The following FHIT variants were observed in gnomAD, a reference collection of about 807,000 sequenced individuals.
FHIT encodes bis(5'-adenosyl)-triphosphatase.
A neutral mutation model predicts 17.9 loss-of-function variants in FHIT; 19 were observed. The ratio of observed to expected loss-of-function variants is 1.06; its 90% confidence interval spans 0.74 to 1.56. FHIT has a LOEUF of 1.56. Among genes scored for constraint, FHIT ranks in the 40% most tolerant of loss-of-function variants. The probability of loss-of-function intolerance (pLI) is 0.00; values close to 1 mark genes in which losing one functional copy is unlikely to be tolerated. For missense variants in FHIT, 248 were observed against 189.2 expected (o/e 1.31, Z -1.82); for synonymous variants, 81 against 69.7 (o/e 1.16, Z -0.81).
At chr3:60,123,786 T>C (rs1469238258) in intron 5 of FHIT, among the ~76,000 whole-genome samples, 1 of 151,328 alleles carries the variant, frequency 6.6e-6, no homozygotes, top group Non-Finnish European at 1.5e-5. Flanking sequence ...CAAGTGCTGC[T>C]AAAATAATTT....
chr3:59,831,382 A>G (rs978373881), intron 8 of FHIT, among the ~76,000 whole-genome samples: 5 of 152,142 alleles, frequency 3.3e-5, no homozygotes, highest in African/African-American at 1.2e-4. Context: ...GTGAATCCTC[A>G]GGGCAACTAT....
At chr3:60,917,210 A>C (rs1352800665) in intron 3 of FHIT, among the ~76,000 whole-genome samples, 1 of 152,238 alleles carries the variant, frequency 6.6e-6, no homozygotes, top group African/African-American at 2.4e-5. Flanking sequence ...ATTGGATAGT[A>C]GTAAATAAAT....
intron 5 of FHIT, among the ~76,000 whole-genome samples, chr3:60,178,839 A>G (rs950523461): frequency 2.0e-5 from 3 of 152,184 alleles, no homozygotes; most frequent in Non-Finnish European, 2.9e-5. Context: ...TGAGCATATT[A>G]AAGACCCTGA....
At chr3:60,445,165 G>C (rs2031236843) in intron 5 of FHIT, among the ~76,000 whole-genome samples, 1 of 152,036 alleles carries the variant, frequency 6.6e-6, no homozygotes, top group South Asian at 2.1e-4. Flanking sequence ...GAGTAAGACA[G>C]TTTCCCCGGC....
chr3:59,983,774 G>A (rs1160917788), intron 7 of FHIT, among the ~76,000 whole-genome samples: 1 of 152,070 alleles, frequency 6.6e-6, no homozygotes, highest in African/African-American at 2.4e-5. Flanking sequence ...TGAGAGGATT[G>A]CCCCATTAGT....
chr3:60,245,361 T>C (rs528484609), intron 5 of FHIT, among the ~76,000 whole-genome samples: 1 of 152,162 alleles, frequency 6.6e-6, no homozygotes, highest in East Asian at 1.9e-4. Context: ...GCTCAACTTA[T>C]AAGGAGGCTA....
intron 2 of FHIT, among the ~76,000 whole-genome samples, chr3:61,131,483 C>T (rs1304490260): frequency 6.6e-6 from 1 of 152,244 alleles, no homozygotes; most frequent in Non-Finnish European, 1.5e-5. Context: ...AAAGTCTCCC[C>T]ATACTTCCAC....
chr3:60,450,309 G>T (rs957723046), intron 5 of FHIT, among the ~76,000 whole-genome samples: 1 of 151,698 alleles, frequency 6.6e-6, no homozygotes, highest in Non-Finnish European at 1.5e-5. Flanking sequence ...AATCTTATGG[G>T]GCCACTGTCA....
chr3:61,034,289 T>G (rs899719496), intron 3 of FHIT, among the ~76,000 whole-genome samples: 1 of 152,100 alleles, frequency 6.6e-6, no homozygotes, highest in African/African-American at 2.4e-5. Flanking sequence ...TTAGAAACCT[T>G]GGTACATCAA....
At chr3:59,845,816 C>G (rs1227742854) in intron 8 of FHIT, among the ~76,000 whole-genome samples, 1 of 152,078 alleles carries the variant, frequency 6.6e-6, no homozygotes, top group Admixed American at 6.6e-5. Context: ...TTCAAGTCCT[C>G]TGTTTTCTTA....
intron 5 of FHIT, among the ~76,000 whole-genome samples, chr3:60,018,375 G>A (rs1339682751): frequency 6.6e-6 from 1 of 152,146 alleles, no homozygotes; most frequent in Non-Finnish European, 1.5e-5. Flanking sequence ...TCAACATGAG[G>A]TTTGGAGGGT....
intron 5 of FHIT, among the ~76,000 whole-genome samples, chr3:60,181,840 G>C (rs560637947): frequency 1.2e-3 from 184 of 152,074 alleles, no homozygotes; most frequent in African/African-American, 4.3e-3. Context: ...CATTTATTAA[G>C]TTGTTACATG....
At chr3:60,531,778 T>C (rs2035796291) in intron 5 of FHIT, among the ~76,000 whole-genome samples, 1 of 152,198 alleles carries the variant, frequency 6.6e-6, no homozygotes, top group Non-Finnish European at 1.5e-5. Context: ...TTATTATTTT[T>C]CCACTTATTT....
At chr3:60,605,763 C>T (rs576220957) in intron 4 of FHIT, among the ~76,000 whole-genome samples, 49 of 152,264 alleles carry the variant, frequency 3.2e-4, no homozygotes, top group Non-Finnish European at 6.2e-4. Flanking sequence ...GCTAATGGGG[C>T]ACCTGGTTCT....
At chr3:60,536,735 G>A (rs1340262177) in intron 5 of FHIT, 125 bp downstream of exon 5, 2 of 988,578 alleles carry the variant, frequency 2.0e-6, no homozygotes, top group African/African-American at 1.7e-5. Flanking sequence ...CGAAGTGGGA[G>A]GGAGATGGAT....
chr3:60,312,971 G>A (rs1337952041), intron 5 of FHIT, among the ~76,000 whole-genome samples: 2 of 152,164 alleles, frequency 1.3e-5, no homozygotes, highest in Non-Finnish European at 2.9e-5. Context: ...GAGACCGAGT[G>A]CATCCATAAC....
At chr3:61,038,097 T>C (rs942157052) in intron 3 of FHIT, among the ~76,000 whole-genome samples, 99 of 152,318 alleles carry the variant, frequency 6.5e-4, no homozygotes, top group African/African-American at 2.3e-3. Flanking sequence ...GTAACAATCA[T>C]CAATTGAAGA....
intron 3 of FHIT, among the ~76,000 whole-genome samples, chr3:61,016,759 T>C (rs1055050630): frequency 7.9e-5 from 12 of 152,246 alleles, no homozygotes; most frequent in Non-Finnish European, 1.6e-4. Flanking sequence ...GTGAACTTTA[T>C]GTGTGAATTA....
intron 5 of FHIT, among the ~76,000 whole-genome samples, chr3:60,347,145 C>G (rs746476165): frequency 1.3e-5 from 2 of 151,796 alleles, no homozygotes; most frequent in African/African-American, 4.8e-5. Context: ...ATTACCTTCT[C>G]GGTATGTGGT....
Sources: gnomAD v4.1 joint callset for allele counts (sites outside exome capture counted in the v4.1 genomes callset) on GRCh38, gnomAD v4.1.1 for gene constraint, MANE v1.5 for transcripts, NCBI Gene and HGNC (gene_info 2026-07-23, HGNC 2026-07-21) for gene names.